OTOGL: variants seen among roughly 807,000 people sequenced by gnomAD.
OTOGL encodes otogelin-like protein.
A neutral mutation model predicts 318.5 loss-of-function variants in OTOGL; 285 were observed. That is an observed-to-expected ratio of 0.89 (90% CI 0.81 to 0.99). The LOEUF is 0.99. Ranked by LOEUF, OTOGL falls within the 50% of genes least tolerant of loss-of-function variation. The pLI, the probability that OTOGL is intolerant of heterozygous loss-of-function variation, is 0.00. For synonymous variants in OTOGL, 987 were observed against 936.5 expected (o/e 1.05, Z -0.99); for missense variants, 2,899 against 2,845.6 (o/e 1.02, Z -0.43).
At chr12:80,353,766 G>A (rs1889707328) in intron 46 of OTOGL, among the ~76,000 whole-genome samples, 1 of 152,164 alleles carries the variant, frequency 6.6e-6, no homozygotes, top group South Asian at 2.1e-4. Context: ...CAAGAATTAA[G>A]AGTGTGGATT....
chr12:80,170,357 T>C (rs1438274645), intron 1 of OTOGL, among the ~76,000 whole-genome samples: 1 of 152,164 alleles, frequency 6.6e-6, no homozygotes, highest in African/African-American at 2.4e-5. Flanking sequence ...TATTTTTATG[T>C]GATTATGTGC....
chr12:80,122,561 G>A (rs140688914), intron 1 of OTOGL, among the ~76,000 whole-genome samples: 24 of 152,280 alleles, frequency 1.6e-4, no homozygotes, highest in African/African-American at 5.8e-4. Flanking sequence ...AAATTCAGAA[G>A]ATAATTTCTT....
chr12:80,225,099 A>G (rs1212772693), intron 7 of OTOGL, among the ~76,000 whole-genome samples: 1 of 152,118 alleles, frequency 6.6e-6, no homozygotes, highest in Non-Finnish European at 1.5e-5. Flanking sequence ...AGTAAAAAAA[A>G]AGAAATGAGA....
chr12:80,202,107 C>T (rs1203168644), intron 1 of OTOGL, among the ~76,000 whole-genome samples: 2 of 152,138 alleles, frequency 1.3e-5, no homozygotes, highest in African/African-American at 4.8e-5. Context: ...AGAAATCTAA[C>T]TCACAGGTTC....
intron 26 of OTOGL, among the ~76,000 whole-genome samples, chr12:80,290,217 G>A (rs372926532): frequency 3.3e-5 from 5 of 151,948 alleles, no homozygotes; most frequent in Admixed American, 2.0e-4. Context: ...TCCTTGGGCT[G>A]CACCCACTCT....
chr12:80,326,928 G>A (rs956015567), intron 35 of OTOGL, among the ~76,000 whole-genome samples: 7 of 152,168 alleles, frequency 4.6e-5, no homozygotes, highest in Admixed American at 1.3e-4. Context: ...TTTCCATCTG[G>A]AATGAAACGA....
At chr12:80,249,886 G>A (rs1053550561) in intron 11 of OTOGL, among the ~76,000 whole-genome samples, 2 of 152,056 alleles carry the variant, frequency 1.3e-5, no homozygotes, top group Admixed American at 1.3e-4. Context: ...TTTTTAAGCC[G>A]GTCTGAAATG....
chr12:80,121,197 A>G (rs79321337), intron 1 of OTOGL, among the ~76,000 whole-genome samples: 2,863 of 152,236 alleles, frequency 0.019, 81 homozygotes, highest in African/African-American at 0.063. Context: ...TGCTGAGAAT[A>G]CTTCATAATA....
chr12:80,154,313 G>C (rs571036595), intron 1 of OTOGL, among the ~76,000 whole-genome samples: 5 of 151,982 alleles, frequency 3.3e-5, no homozygotes, highest in Admixed American at 6.5e-5. Flanking sequence ...AGTTAAAAAG[G>C]GGGGGAAAAA....
At chr12:80,114,988 A>T (rs1273362189) in intron 1 of OTOGL, among the ~76,000 whole-genome samples, 1 of 150,442 alleles carries the variant, frequency 6.6e-6, no homozygotes, top group African/African-American at 2.4e-5. Flanking sequence ...TTCTTCTCTA[A>T]AGTTAGTAAT....
intron 1 of OTOGL, among the ~76,000 whole-genome samples, chr12:80,205,593 T>TA (rs1389876132): frequency 6.6e-6 from 1 of 152,212 alleles, no homozygotes; most frequent in African/African-American, 2.4e-5. Flanking sequence ...ATAAGACAGT[T>TA]ACATTCAGAG....
At chr12:80,333,886 C>T (rs1342538300) in intron 38 of OTOGL, among the ~76,000 whole-genome samples, 10 of 151,880 alleles carry the variant, frequency 6.6e-5, no homozygotes, top group Admixed American at 6.6e-4. Flanking sequence ...CAAGAATGTA[C>T]CTAATGTATT....
intron 26 of OTOGL, among the ~76,000 whole-genome samples, chr12:80,281,784 A>G (rs1884254225): frequency 6.6e-6 from 1 of 151,850 alleles, no homozygotes; most frequent in East Asian, 1.9e-4. Context: ...AAATGAGAAA[A>G]ATAATTGTGA....
At chr12:80,260,749 G>A (rs1882462001) in intron 18 of OTOGL, among the ~76,000 whole-genome samples, 2 of 152,062 alleles carry the variant, frequency 1.3e-5, no homozygotes, top group Admixed American at 6.6e-5. Context: ...AAAATTTATT[G>A]TTTTAAGGTA....
chr12:80,335,985 A>T lies in OTOGL; in HGVS notation c.4445A>T (p.Tyr1482Phe). Residue 1482 changes from tyrosine to phenylalanine, a missense_variant, in exon 39 of 59, where the codon TAT (tyrosine) becomes TTT (phenylalanine). By Grantham distance (22) the Tyr-to-Phe change is conservative (BLOSUM62 3). This residue lies in a region of OTOGL where 2,607 missense variants were observed against 2,524.9 expected (regional missense o/e 1.03). Transcript: ENST00000547103. ...CAGCCTCAGAAATTTGATCCTGTTT[A>T]TGATTGTAGCCAATACATATGCCTT... ...ECEPQKFDPV[Y>F]DCSQYICLNM... 1.9e-6 allele frequency: 3 copies of T among 1,583,626 alleles called. No homozygotes were observed. The highest frequency in any genetic ancestry group is 2.6e-6 in the Non-Finnish European group (3 of 1,172,974).
intron 1 of OTOGL, among the ~76,000 whole-genome samples, chr12:80,188,533 G>A: frequency 6.9e-6 from 1 of 145,086 alleles, no homozygotes; most frequent in Non-Finnish European, 1.5e-5. Flanking sequence ...GTGAGACTCT[G>A]TCTCAAAAAA....
chr12:80,232,718 C>A (rs555323502), intron 8 of OTOGL, among the ~76,000 whole-genome samples, 174 bp from the exon 9 acceptor site: 24 of 152,280 alleles, frequency 1.6e-4, no homozygotes, highest in African/African-American at 4.6e-4. Context: ...CTGAAGTTTT[C>A]AAAAATGTTG....
rs766348996 is a variant in OTOGL at position 80,358,688 on chromosome 12, T to C, written c.6139T>C (p.Cys2047Arg). 73 of 1,612,080 alleles carry C rather than the reference T, an allele frequency of 4.5e-5. No homozygotes were observed. The highest frequency in any genetic ancestry group is 5.8e-5 in the Non-Finnish European group (68 of 1,178,654). Residue 2047 changes from cysteine (C) to arginine (R), a missense_variant, in exon 51 of 59, where the codon TGT becomes CGT. Physicochemically the swap from Cys to Arg is radical, Grantham distance 180. Around this residue, in one of 3 missense-constraint regions of OTOGL, gnomAD observed 2,607 missense variants for 2,524.9 expected, o/e 1.03. Transcript: ENST00000547103. ...CTTTTTAGTATGTGAACCAAACCTTTGTCCTATGCCATTACTCAACTGTGC... is the reference window on the plus strand; with the variant it reads ...CTTTTTAGTATGTGAACCAAACCTTCGTCCTATGCCATTACTCAACTGTGC... ...QYYCVCEPNL[C>R]PMPLLNCAED...
At chr12:80,173,457 T>G (rs1874337704) in intron 1 of OTOGL, among the ~76,000 whole-genome samples, 1 of 152,158 alleles carries the variant, frequency 6.6e-6, no homozygotes, top group South Asian at 2.1e-4. Context: ...GAGTGTCTTT[T>G]AGCATGCTAA....
Sources: allele counts gnomAD v4.1 joint callset (sites outside exome capture counted in the v4.1 genomes callset), GRCh38; gene constraint gnomAD v4.1.1; regional missense constraint gnomAD v4.1.1; transcripts MANE v1.5; gene names NCBI Gene and HGNC (gene_info 2026-07-23, HGNC 2026-07-21).